The following DGKB variants were observed in gnomAD, a reference collection of about 807,000 sequenced individuals.
DGKB encodes 90 kDa diacylglycerol kinase.
Under a neutral mutation model 114.3 loss-of-function variants are expected in DGKB, and 67 were observed. That is an observed-to-expected ratio of 0.59 (90% CI 0.48 to 0.72). The LOEUF is 0.72. DGKB is among the 30% of genes least tolerant of loss of function. DGKB has a pLI of 0.00. For missense variants in DGKB, 907 were observed against 975.2 expected, an observed-to-expected ratio of 0.93 and a Z score of 0.93; for synonymous variants, 398 against 323.1, an observed-to-expected ratio of 1.23 and a Z score of -2.49.
intron 23 of DGKB, among the ~76,000 whole-genome samples, chr7:14,253,142 C>A (rs1336191652): frequency 1.3e-5 from 2 of 152,014 alleles, no homozygotes; most frequent in African/African-American, 2.4e-5. Context: ...TCAAGCGATT[C>A]TCCTGTCTCA....
chr7:14,392,842 C>G (rs1460663968), intron 21 of DGKB, among the ~76,000 whole-genome samples: 2 of 151,902 alleles, frequency 1.3e-5, no homozygotes, highest in African/African-American at 2.4e-5. Flanking sequence ...TTCTATATAC[C>G]AAGATAGCTT....
chr7:14,172,746 G>A (rs574947866), intron 25 of DGKB, among the ~76,000 whole-genome samples: 1 of 152,196 alleles, frequency 6.6e-6, no homozygotes, highest in Non-Finnish European at 1.5e-5. Context: ...TACTGGTCAT[G>A]TGTCACTTAA....
chr7:14,580,118 C>T lies in DGKB; in HGVS notation c.1609+744G>A, dbSNP rs530729045. Among the ~76,000 whole-genome samples the T allele has an allele frequency of 2.4e-4, 37 of 152,280 alleles. No individual in the cohort carries two copies. In the Middle Eastern group the frequency reaches 0.01, roughly 42 times the overall value. ...TCTCTCTTTGCTTACCCTACTCCAT[C>T]GACACTATTTCAGTTTCAGTTCCTT... is the stretch of plus-strand genomic sequence containing the variant. On this transcript the variant is annotated intron_variant, in intron 19 of 25. Transcript: ENST00000402815.
chr7:14,353,561 CCTTGAAATAGTCT>C (rs1485871204), intron 21 of DGKB, among the ~76,000 whole-genome samples: 2 of 152,100 alleles, frequency 1.3e-5, no homozygotes, highest in Non-Finnish European at 2.9e-5. Context: ...TCATCAGCAA[CCTTGAAATAGTCT>C]CTGAATTTTT....
At position 14,567,133 on chromosome 7, in the gene DGKB, A is replaced by C. The variant is rs536918374; in HGVS notation, c.1770+7079T>G. On this transcript the variant is annotated intron_variant, in intron 20 of 25. Coordinates refer to ENST00000402815, the MANE Select transcript of DGKB (RefSeq NM_001350709.2). ...ATATATATTATATAAATATATAATT[A>C]TATGTTTATATATATAATATACAAT... 3.9e-3 allele frequency among the ~76,000 whole-genome samples: 435 copies of C among 110,186 alleles called. 1 individual carries two copies. The highest frequency in any genetic ancestry group is 5.1e-3 in the Non-Finnish European group (296 of 57,776). The allele number at this position is 110,186 out of a possible 152,430, so 72.3% of individuals were successfully genotyped here. A position where few individuals can be genotyped will look rare whatever the true frequency, so the allele number is the denominator to read the frequency against.
At chr7:14,461,352 A>C (rs958295114) in intron 21 of DGKB, among the ~76,000 whole-genome samples, 2 of 150,022 alleles carry the variant, frequency 1.3e-5, no homozygotes, top group African/African-American at 5.1e-5. Flanking sequence ...AACAAAATAG[A>C]CCACTAGCCA....
chr7:14,738,121 C>G (rs752511538), intron 4 of DGKB, among the ~76,000 whole-genome samples: 1 of 152,212 alleles, frequency 6.6e-6, no homozygotes, highest in Admixed American at 6.5e-5. Flanking sequence ...CCTACTCTTA[C>G]TAAGAGAGCT....
At chr7:14,257,298 A>C (rs554972963) in intron 23 of DGKB, among the ~76,000 whole-genome samples, 2 of 152,166 alleles carry the variant, frequency 1.3e-5, no homozygotes, top group Admixed American at 6.5e-5. Flanking sequence ...TACGATTTCT[A>C]CCCTCAACAA....
intron 23 of DGKB, among the ~76,000 whole-genome samples, chr7:14,190,518 T>A (rs1784136559): frequency 6.6e-6 from 1 of 151,752 alleles, no homozygotes; most frequent in Non-Finnish European, 1.5e-5. Context: ...AAGCCAAAAT[T>A]AGCAGAAGGA....
chr7:14,878,674 G>T (rs1174972069), intron 1 of DGKB, among the ~76,000 whole-genome samples: 1 of 151,098 alleles, frequency 6.6e-6, no homozygotes, highest in Non-Finnish European at 1.5e-5. Flanking sequence ...GCGTGAACCC[G>T]GGAGGCGGAG....
chr7:14,817,680 C>G (rs1844351699), intron 2 of DGKB, among the ~76,000 whole-genome samples: 1 of 152,072 alleles, frequency 6.6e-6, no homozygotes, highest in Non-Finnish European at 1.5e-5. Context: ...ATTTTTCCTT[C>G]TTGCCAGGGA....
At chr7:14,209,490 G>GT (rs758553613) in intron 23 of DGKB, 25 of 491,712 alleles carry the variant, frequency 5.1e-5, no homozygotes, top group Middle Eastern at 3.2e-4. Context: ...CCTTCCAAAG[G>GT]TTTTTTTATC....
At chr7:14,682,480 A>T in intron 12 of DGKB, 73 bp downstream of exon 12, 1 of 991,070 alleles carries the variant, frequency 1.0e-6, no homozygotes, top group Non-Finnish European at 1.6e-6. Context: ...CTAGGGTAGG[A>T]CTTTCAGAGA....
intron 13 of DGKB, among the ~76,000 whole-genome samples, chr7:14,670,125 G>C (rs1818702797): frequency 6.6e-6 from 1 of 151,852 alleles, no homozygotes; most frequent in Admixed American, 6.6e-5. Flanking sequence ...GTTTTCAATA[G>C]TGTAAATATT....
Position 14,682,848 on chromosome 7 carries a change from G to A in DGKB, c.830-7C>T. The A allele has an allele frequency of 3.2e-6, 5 of 1,571,620 alleles. No homozygotes were observed. The highest frequency in any genetic ancestry group is 1.2e-5 in the South Asian group (1 of 86,610). On this transcript the variant is annotated splice_region_variant and splice_polypyrimidine_tract_variant and intron_variant, in intron 10 of 25. Transcript: ENST00000402815. The stretch of plus-strand genomic sequence containing the variant: ...TGGACTGTGTACTTGCAGACTGAAA[G>A]GAAACAGGTACACAAATTCAGAGCT...
At chr7:14,588,241 C>T (rs192038386) in intron 17 of DGKB, among the ~76,000 whole-genome samples, 302 of 152,086 alleles carry the variant, frequency 2.0e-3, no homozygotes, top group Admixed American at 3.2e-3. Context: ...AAATTTTACA[C>T]GTCTTTGATT....
chr7:14,611,312 C>G (rs911918196), intron 16 of DGKB, among the ~76,000 whole-genome samples: 2 of 152,142 alleles, frequency 1.3e-5, no homozygotes, highest in Non-Finnish European at 2.9e-5. Context: ...TTCCCAGTCA[C>G]TAGTAGAGTT....
At position 14,236,885 on chromosome 7, in the gene DGKB, T is replaced by C. The variant is rs1369596477; in HGVS notation, c.2123-58734A>G. Among the ~76,000 whole-genome samples the C allele has an allele frequency of 2.6e-5, 4 of 151,918 alleles. No individual in the cohort carries two copies. In the East Asian group the frequency reaches 7.8e-4, roughly 30 times the overall value. Reference sequence around the variant, plus strand: ...TTTCAGAATTTAACATTAAGCACTTTTTTTTTTCTCGTGGTGACTTTTCTT... The same window carrying C: ...TTTCAGAATTTAACATTAAGCACTTCTTTTTTTCTCGTGGTGACTTTTCTT... On this transcript the variant is annotated intron_variant, in intron 23 of 25. Coordinates refer to ENST00000402815, the MANE Select transcript of DGKB (RefSeq NM_001350709.2).
intron 23 of DGKB, among the ~76,000 whole-genome samples, chr7:14,199,736 ATAATT>A (rs779618495): frequency 6.6e-5 from 10 of 152,186 alleles, no homozygotes; most frequent in Non-Finnish European, 1.5e-4. Context: ...AATTAGGCTA[ATAATT>A]TAATATAAGT....
Sources: allele counts gnomAD v4.1 joint callset (sites outside exome capture counted in the v4.1 genomes callset), GRCh38; gene constraint gnomAD v4.1.1; transcripts MANE v1.5; gene names NCBI Gene and HGNC (gene_info 2026-07-23, HGNC 2026-07-21).